CAMK2D: variants seen among roughly 807,000 people sequenced by gnomAD.
CAMK2D encodes calcium/calmodulin-dependent protein kinase type II subunit delta.
Under a neutral mutation model 84.0 loss-of-function variants are expected in CAMK2D, and 37 were observed. The ratio of observed to expected loss-of-function variants is 0.44; its 90% CI spans 0.34 to 0.58. CAMK2D has a LOEUF of 0.58. Ranked by LOEUF, CAMK2D falls within the 20% of genes least tolerant of loss-of-function variation. The pLI, the probability that CAMK2D is intolerant of heterozygous loss-of-function variation, is 0.02. For synonymous variants in CAMK2D, 202 were observed against 212.5 expected (o/e 0.95, Z 0.43); for missense variants, 448 against 652.5 (o/e 0.69, Z 3.41).
Position 113,761,359 on chromosome 4 carries a change from G to A in CAMK2D, c.-291C>T, listed in dbSNP as rs1277268410. On this transcript the variant is annotated 5_prime_UTR_variant, in exon 1 of 21. Coordinates refer to ENST00000511664, the MANE Select transcript of CAMK2D (RefSeq NM_001321571.2). ...TCCACCCGCCCCTTTTCCAGTCCCTGTCCCCAAATGCAGGGGGTAAAGTAC... is the reference window on the plus strand; with the variant it reads ...TCCACCCGCCCCTTTTCCAGTCCCTATCCCCAAATGCAGGGGGTAAAGTAC... The A allele has an allele frequency of 1.5e-6, 2 of 1,365,400 alleles. No homozygotes were observed. The highest frequency in any genetic ancestry group is 2.9e-5 in the African/African-American group (2 of 68,160). The allele number at this position is 1,365,400 out of a possible 1,614,324, so 84.6% of individuals were successfully genotyped here.
chr4:113,638,899 C>T (rs1343688186), intron 3 of CAMK2D, among the ~76,000 whole-genome samples: 1 of 151,950 alleles, frequency 6.6e-6, no homozygotes, highest in Non-Finnish European at 1.5e-5. Flanking sequence ...CCTCCTCTTC[C>T]CAGGCAGCTA....
intron 2 of CAMK2D, chr4:113,755,173 TACACAC>T (rs59818897): frequency 0.011 from 1,819 of 163,782 alleles, 33 homozygotes; most frequent in African/African-American, 0.045. Flanking sequence ...TACTTAGGGA[TACACAC>T]ACACACACAC....
At chr4:113,710,608 G>T (rs975269949) in intron 2 of CAMK2D, among the ~76,000 whole-genome samples, 2 of 152,148 alleles carry the variant, frequency 1.3e-5, no homozygotes, top group African/African-American at 4.8e-5. Flanking sequence ...GCAAAGCAAT[G>T]TCTGTATTAA....
intron 2 of CAMK2D, among the ~76,000 whole-genome samples, chr4:113,724,373 T>C (rs2099539849): frequency 6.6e-6 from 1 of 151,970 alleles, no homozygotes; most frequent in Non-Finnish European, 1.5e-5. Context: ...GATGTATACT[T>C]TGCTTAATAC....
At chr4:113,626,894 T>C (rs1447659309) in intron 3 of CAMK2D, among the ~76,000 whole-genome samples, 2 of 152,192 alleles carry the variant, frequency 1.3e-5, no homozygotes, top group Non-Finnish European at 2.9e-5. Flanking sequence ...AATTTCGCGG[T>C]ATGATGAATC....
At chr4:113,675,595 T>A (rs1276631129) in intron 2 of CAMK2D, among the ~76,000 whole-genome samples, 2 of 152,086 alleles carry the variant, frequency 1.3e-5, no homozygotes, top group Non-Finnish European at 2.9e-5. Flanking sequence ...AATGGTAAAG[T>A]TCCCATGGAA....
rs1025697093 is a variant in CAMK2D, at chr4:113,533,960, C to T, written c.518-2661G>A. 2.3e-4 allele frequency among the ~76,000 whole-genome samples: 35 copies of T among 150,882 alleles called. No individual in the cohort carries two copies. The East Asian group carries it at 2.5e-3, about 11-fold the overall frequency. On this transcript the variant is annotated intron_variant, in intron 7 of 20. Coordinates refer to ENST00000511664, the MANE Select transcript of CAMK2D (RefSeq NM_001321571.2). ...CTTTGTATTATCTATTATGTTGTTT[C>T]GTATACATACTATGTTTTTTCTTAT...
chr4:113,741,828 C>T (rs2099593705), intron 2 of CAMK2D, among the ~76,000 whole-genome samples: 1 of 152,178 alleles, frequency 6.6e-6, no homozygotes, highest in African/African-American at 2.4e-5. Flanking sequence ...TACACTCCAG[C>T]CACATTGACT....
At chr4:113,745,419 C>T (rs2099602058) in intron 2 of CAMK2D, among the ~76,000 whole-genome samples, 1 of 152,170 alleles carries the variant, frequency 6.6e-6, no homozygotes, top group African/African-American at 2.4e-5. Flanking sequence ...TCTTCTGATA[C>T]TGAAGATACA....
intron 2 of CAMK2D, among the ~76,000 whole-genome samples, chr4:113,697,259 T>C (rs1021688966): frequency 3.3e-5 from 5 of 152,108 alleles, no homozygotes; most frequent in African/African-American, 1.2e-4. Flanking sequence ...AAGCCTCCCA[T>C]GCTATAGGCA....
rs1593932018 is a variant in CAMK2D, at chr4:113,739,882, T to C, written c.160+19438A>G. Among the ~76,000 whole-genome samples the C allele has an allele frequency of 2.6e-5, 4 of 152,214 alleles. No individual in the cohort carries two copies. In the South Asian group the frequency reaches 8.3e-4, roughly 32 times the overall value. ...GTGATGCTGAGGTTTGGGGTATAAT[T>C]GAACCCATCACCCAGGTACTAAGCA... On this transcript the variant is annotated intron_variant, in intron 2 of 20. Coordinates refer to ENST00000511664, the MANE Select transcript of CAMK2D (RefSeq NM_001321571.2).
intron 8 of CAMK2D, among the ~76,000 whole-genome samples, chr4:113,529,849 T>A (rs958248515): frequency 1.3e-5 from 2 of 152,194 alleles, no homozygotes; most frequent in African/African-American, 4.8e-5. Flanking sequence ...AAGGACTGGC[T>A]GGATCCATTG....
At chr4:113,730,931 T>C (rs1321398439) in intron 2 of CAMK2D, among the ~76,000 whole-genome samples, 3 of 152,248 alleles carry the variant, frequency 2.0e-5, no homozygotes, top group Non-Finnish European at 4.4e-5. Context: ...GACTTACCAC[T>C]GAACTAGTAG....
chr4:113,481,883 T>C (rs937626469), intron 16 of CAMK2D, among the ~76,000 whole-genome samples: 9 of 152,212 alleles, frequency 5.9e-5, no homozygotes, highest in African/African-American at 1.7e-4. Context: ...GTAAGCCACA[T>C]GGAAATGTGT....
intron 3 of CAMK2D, among the ~76,000 whole-genome samples, chr4:113,652,052 A>C (rs2099175246): frequency 6.6e-6 from 1 of 152,192 alleles, no homozygotes; most frequent in South Asian, 2.1e-4. Context: ...TTTTAAAATT[A>C]TTTTCTGCAC....
intron 4 of CAMK2D, among the ~76,000 whole-genome samples, chr4:113,604,974 G>T (rs980045329): frequency 6.6e-5 from 10 of 152,142 alleles, no homozygotes; most frequent in Admixed American, 3.3e-4. Context: ...AATATATCAC[G>T]CCCAAATATG....
At chr4:113,554,001 A>C (rs1395927341) in intron 4 of CAMK2D, among the ~76,000 whole-genome samples, 1 of 152,168 alleles carries the variant, frequency 6.6e-6, no homozygotes, top group Non-Finnish European at 1.5e-5. Flanking sequence ...GTACCTAGAA[A>C]ACCTACATAC....
At chr4:113,468,778 G>A (rs1486970069) in intron 16 of CAMK2D, among the ~76,000 whole-genome samples, 3 of 152,126 alleles carry the variant, frequency 2.0e-5, no homozygotes, top group Non-Finnish European at 4.4e-5. Flanking sequence ...GAGAGCTTGT[G>A]ATGTGTCCCT....
At chr4:113,691,743 T>C (rs951063929) in intron 2 of CAMK2D, among the ~76,000 whole-genome samples, 3 of 151,894 alleles carry the variant, frequency 2.0e-5, no homozygotes, top group Non-Finnish European at 4.4e-5. Flanking sequence ...ACAGAGAGAC[T>C]CCATCTCAAA....
Sources: allele counts gnomAD v4.1 joint callset (sites outside exome capture counted in the v4.1 genomes callset), GRCh38; gene constraint gnomAD v4.1.1; transcripts MANE v1.5; gene names NCBI Gene and HGNC (gene_info 2026-07-23, HGNC 2026-07-21).